The following PABPC1L variants were observed in gnomAD, a reference collection of about 807,000 sequenced individuals.
PABPC1L encodes the protein polyadenylate-binding protein 1-like.
In PABPC1L, 31 loss-of-function variants were observed where a neutral mutation model predicts 66.6. That is an observed-to-expected ratio of 0.47 (90% confidence interval 0.35 to 0.63). PABPC1L has a LOEUF of 0.63. PABPC1L is among the 20% of genes least tolerant of loss of function. PABPC1L has a pLI of 0.00. For missense variants in PABPC1L, 722 were observed against 848.8 expected, an observed-to-expected ratio of 0.85 and a Z score of 1.86; for synonymous variants, 348 against 335.1, an observed-to-expected ratio of 1.04 and a Z score of -0.42.
rs372079641 is a variant in PABPC1L at position 44,924,191 on chromosome 20, G to T, written c.907G>T (p.Asp303Tyr). 3.1e-6 allele frequency: 5 copies of T among 1,614,032 alleles called. No homozygotes were observed. The highest frequency in any genetic ancestry group is 1.7e-5 in the Admixed American group (1 of 60,014). ...GAACTTGTATGTGAAGAATCTGGAC[G>T]ACTCCATTGATGACGACAAACTGAG... ...GVNLYVKNLD[D>Y]SIDDDKLRKE... Residue 303 changes from aspartate to tyrosine, a missense_variant, in exon 7 of 15, where the codon GAC becomes TAC. This residue lies in a region of PABPC1L where 137 missense variants were observed against 216.8 expected (regional missense o/e 0.63). Coordinates refer to ENST00000217073, the MANE Select transcript of PABPC1L (RefSeq NM_001372179.1).
intron 1 of PABPC1L, among the ~76,000 whole-genome samples, chr20:44,911,003 G>A (rs1034052949): frequency 6.6e-6 from 1 of 152,194 alleles, no homozygotes. Context: ...AAGCCTTCAC[G>A]CTCTGCACCT....
At chr20:44,937,231 T>C (rs1043080418) in intron 12 of PABPC1L, 5 of 332,204 alleles carry the variant, frequency 1.5e-5, no homozygotes, top group African/African-American at 1.1e-4. Context: ...ACCCCTAGTG[T>C]CCATGGCAGG....
chr20:44,931,057 T>TTCCTC (rs2066853232), intron 8 of PABPC1L, among the ~76,000 whole-genome samples: 1 of 5,990 alleles, frequency 1.7e-4, no homozygotes, highest in African/African-American at 3.7e-4. Flanking sequence ...TCCCTTCCCT[T>TTCCTC]CCCTTCCCTC....
At chr20:44,926,890 A>G (rs2066813258) in intron 7 of PABPC1L, among the ~76,000 whole-genome samples, 1 of 150,260 alleles carries the variant, frequency 6.7e-6, no homozygotes. Context: ...ATTATTTTTT[A>G]TTAGATGCAG....
In PABPC1L at chr20:44,912,873, C is replaced by T. The variant is rs1197719995; in HGVS notation, c.387+20C>T. 5.0e-6 allele frequency: 8 copies of T among 1,604,906 alleles called. No individual in the cohort carries two copies. Among genetic ancestry groups the T allele is most frequent in the African/African-American group, 1.3e-5 (1 of 74,732 alleles). ...TGCAAGGTAGAGGATGAAGGGTGTA[C>T]GTCTTTGGGTAGATCGGTGTCAACT... On this transcript the variant is annotated intron_variant, in intron 2 of 14. Transcript: ENST00000217073.
At chr20:44,918,260 G>A (rs2066750265) in intron 3 of PABPC1L, among the ~76,000 whole-genome samples, 1 of 152,206 alleles carries the variant, frequency 6.6e-6, no homozygotes, top group African/African-American at 2.4e-5. Flanking sequence ...AACCCAGGAG[G>A]TGGAGCTTGC....
Position 44,921,730 on chromosome 20 carries a change from A to T in PABPC1L, c.875A>T (p.Gln292Leu). The T allele has an allele frequency of 6.2e-7, 1 of 1,613,056 alleles. No individual in the cohort carries two copies. The highest frequency in any genetic ancestry group is 8.5e-7 in the Non-Finnish European group (1 of 1,179,624). ...AAGCAGGACCGGCTGAGGCGTTACC[A>T]GGTGAGGTCAGGCTTCCTGGTGGCA... ...QMKQDRLRRY[Q>L]GVNLYVKNLD... Residue 292 changes from glutamine to leucine, a missense_variant and splice_region_variant, in exon 6 of 15, where the codon CAG becomes CTG. Around this residue, in one of 3 missense-constraint regions of PABPC1L, gnomAD observed 137 missense variants for 216.8 expected, o/e 0.63. Transcript: ENST00000217073.
intron 12 of PABPC1L, chr20:44,937,069 G>C: frequency 2.1e-6 from 1 of 479,332 alleles, no homozygotes; most frequent in South Asian, 1.6e-5. Context: ...GCTTGTAGGT[G>C]GGGGGTTAAA....
In PABPC1L at chr20:44,932,360, T is replaced by C; in HGVS notation, c.1258T>C (p.Tyr420His). ...CATGCAGCCTCCAGCCCAGGCTGCA[T>C]ACTATGGCTGTGGCCCAGTGACACC... ...AMPQPPAQAAYYGCGPVTPTQ... is the reference protein window; with the variant it reads ...AMPQPPAQAAHYGCGPVTPTQ... Residue 420 changes from tyrosine to histidine, a missense_variant, in exon 9 of 15, where the codon TAC becomes CAC. Physicochemically the swap from Tyr to His is moderately conservative, Grantham distance 83 (BLOSUM62 2). Around this residue, in one of 3 missense-constraint regions of PABPC1L, gnomAD observed 301 missense variants for 337.2 expected, o/e 0.89. Coordinates refer to ENST00000217073, the MANE Select transcript of PABPC1L (RefSeq NM_001372179.1). The C allele has an allele frequency of 6.2e-7, 1 of 1,613,590 alleles. No homozygotes were observed. Among genetic ancestry groups the C allele is most frequent in the African/African-American group, 1.3e-5 (1 of 75,022 alleles).
In PABPC1L at chr20:44,916,933, C is replaced by T. The variant is rs1400284482; in HGVS notation, c.503+62C>T. ...AGGGACAGAAGCATGGCACCACCGACTAGGAATCGATGCTACCCTCAAGCT... is the reference window on the plus strand; with the variant it reads ...AGGGACAGAAGCATGGCACCACCGATTAGGAATCGATGCTACCCTCAAGCT... On this transcript the variant is annotated intron_variant, in intron 3 of 14. Transcript: ENST00000217073. 6.7e-6 allele frequency: 10 copies of T among 1,497,468 alleles called. No homozygotes were observed. In the African/African-American group the frequency reaches 9.6e-5, roughly 14 times the overall value. 92.8% of individuals were successfully genotyped at this position (1,497,468 alleles called of 1,614,324 possible).
intron 10 of PABPC1L, 70 bp downstream of exon 10, chr20:44,933,255 C>G (rs1448083294): frequency 7.6e-7 from 1 of 1,307,580 alleles, no homozygotes; most frequent in Non-Finnish European, 1.1e-6. Flanking sequence ...GACCAGCCTC[C>G]ATGGTGACCT....
chr20:44,920,555 G>A (rs1378058355), intron 5 of PABPC1L, among the ~76,000 whole-genome samples: 4 of 151,490 alleles, frequency 2.6e-5, no homozygotes, highest in South Asian at 4.2e-4. Flanking sequence ...TGCAACCTCC[G>A]CCTCCTGGGT....
At position 44,939,182 on chromosome 20, in the gene PABPC1L, C is replaced by T. The variant is rs1555800673; in HGVS notation, c.*63C>T. On this transcript the variant is annotated 3_prime_UTR_variant, in exon 15 of 15. Coordinates refer to ENST00000217073, the MANE Select transcript of PABPC1L (RefSeq NM_001372179.1). ...AAGGACAGTGTTTCTGGCTCTCAGCCCTAAGGCCCTGCAAACTCTAACTTA... is the reference window on the plus strand; with the variant it reads ...AAGGACAGTGTTTCTGGCTCTCAGCTCTAAGGCCCTGCAAACTCTAACTTA... The T allele has an allele frequency of 1.4e-6, 1 of 718,030 alleles. No individual in the cohort carries two copies. Among genetic ancestry groups the T allele is most frequent in the African/African-American group, 1.7e-5 (1 of 57,394 alleles). 44.5% of individuals were successfully genotyped at this position (718,030 alleles called of 1,614,324 possible).
intron 8 of PABPC1L, chr20:44,931,860 A>C (rs1568650667): frequency 6.6e-6 from 1 of 152,482 alleles, no homozygotes; most frequent in East Asian, 1.9e-4. Context: ...GACTCTCCAA[A>C]ACAGGCACAG....
chr20:44,932,359 A>G lies in PABPC1L; in HGVS notation c.1257A>G (p.Ala419=), dbSNP rs757503898. 4 of 1,613,410 alleles carry G rather than the reference A, an allele frequency of 2.5e-6. No individual in the cohort carries two copies. Among genetic ancestry groups the G allele is most frequent in the South Asian group, 2.2e-5 (2 of 90,962 alleles). Reference sequence around the variant, plus strand: ...CCATGCAGCCTCCAGCCCAGGCTGCATACTATGGCTGTGGCCCAGTGACAC... The same window carrying G: ...CCATGCAGCCTCCAGCCCAGGCTGCGTACTATGGCTGTGGCCCAGTGACAC... ...PAMPQPPAQA[A]YYGCGPVTPT... Residue 419 remains alanine (A), a synonymous_variant, in exon 9 of 15, where the codon GCA becomes GCG. Coordinates refer to ENST00000217073, the MANE Select transcript of PABPC1L (RefSeq NM_001372179.1).
chr20:44,932,548 C>G, intron 9 of PABPC1L, 116 bp downstream of exon 9: 1 of 833,892 alleles, frequency 1.2e-6, no homozygotes, highest in East Asian at 2.6e-5. Flanking sequence ...GGTGACTTCA[C>G]TTCTCTGAGC....
chr20:44,919,681 G>A (rs1187079596), intron 5 of PABPC1L, among the ~76,000 whole-genome samples: 1 of 152,106 alleles, frequency 6.6e-6, no homozygotes, highest in Non-Finnish European at 1.5e-5. Flanking sequence ...GCAAGACCCT[G>A]TCTCTAATTT....
At position 44,918,941 on chromosome 20, in the gene PABPC1L, A is replaced by C. The variant is rs201302413; in HGVS notation, c.539A>C (p.Glu180Ala). 3,642 of 1,609,698 alleles carry C rather than the reference A, an allele frequency of 2.3e-3. 13 individuals are homozygous for C. The highest frequency in any genetic ancestry group is 2.2e-3 in the Non-Finnish European group (2,583 of 1,177,924). The change falls in exon 4 of 15, where the codon GAG becomes GCG. Residue 180 changes from glutamate (E) to alanine (A), a missense_variant. Physicochemically the swap from Glu to Ala is moderately radical, Grantham distance 107. Around this residue, in one of 3 missense-constraint regions of PABPC1L, gnomAD observed 284 missense variants for 294.8 expected, o/e 0.96. Coordinates refer to ENST00000217073, the MANE Select transcript of PABPC1L (RefSeq NM_001372179.1). ...VGHFKSRRER[E>A]AELGARALEF... ...CACTTCAAGTCTCGACGGGAGCGGG[A>C]GGCGGAGCTGGGGGCGCGGGCCCTG...
Position 44,913,231 on chromosome 20 carries a change from C to T in PABPC1L, c.387+378C>T, listed in dbSNP as rs146095819. Among the ~76,000 whole-genome samples, 589 of 152,222 alleles carry T rather than the reference C, an allele frequency of 3.9e-3. 1 individual carries two copies. The highest frequency in any genetic ancestry group is 0.01 in the Middle Eastern group (3 of 294). ...AGCTCTCGCTGGGTATATGAGGGAG[C>T]GACTGGCTGTCAGCTGGAACATCTT... On this transcript the variant is annotated intron_variant, in intron 2 of 14. Coordinates refer to ENST00000217073, the MANE Select transcript of PABPC1L (RefSeq NM_001372179.1).
Sources: gnomAD v4.1 joint callset for allele counts (sites outside exome capture counted in the v4.1 genomes callset) on GRCh38, gnomAD v4.1.1 for gene constraint, gnomAD v4.1.1 regional missense constraint, MANE v1.5 for transcripts, NCBI Gene and HGNC (gene_info 2026-07-23, HGNC 2026-07-21) for gene names.